Variants in PLD1 observed in about 807,000 individuals in gnomAD.
PLD1 encodes the protein phospholipase D1.
Under a neutral mutation model 137.1 loss-of-function variants are expected in PLD1, and 112 were observed. The ratio of observed to expected loss-of-function variants is 0.82; its 90% CI spans 0.70 to 0.96. The LOEUF (loss-of-function observed/expected upper bound fraction) is 0.96, where lower values mean the gene tolerates loss of function less well. Among genes scored for constraint, PLD1 ranks in the 40% least tolerant of loss-of-function variants. The pLI, the probability that PLD1 is intolerant of heterozygous loss-of-function variation, is 0.00. For synonymous variants in PLD1, 431 were observed against 454.7 expected (o/e 0.95, Z 0.66); for missense variants, 1,321 against 1,342.0 (o/e 0.98, Z 0.24).
intron 1 of PLD1, chr3:171,809,617 G>C (rs1005117709): frequency 8.5e-5 from 13 of 152,288 alleles, no homozygotes. Context: ...CACAGAGGAA[G>C]TAAAGAAAGC....
intron 24 of PLD1, among the ~76,000 whole-genome samples, chr3:171,620,006 G>A (rs557672433): frequency 5.3e-5 from 8 of 152,260 alleles, no homozygotes; most frequent in African/African-American, 1.9e-4. Context: ...TCTGGATTCT[G>A]CAATTTTCAC....
At chr3:171,709,316 T>G (rs997211289) in intron 10 of PLD1, among the ~76,000 whole-genome samples, 3 of 152,244 alleles carry the variant, frequency 2.0e-5, no homozygotes, top group Admixed American at 6.5e-5. Flanking sequence ...TGTATGAAGT[T>G]AGCTTTAAAA....
chr3:171,630,350 A>G (rs1301496449), intron 23 of PLD1, among the ~76,000 whole-genome samples: 1 of 146,342 alleles, frequency 6.8e-6, no homozygotes, highest in East Asian at 1.9e-4. Flanking sequence ...CAATCATTAA[A>G]AAGTCAGGAA....
chr3:171,800,405 C>T (rs1723597928), intron 1 of PLD1, among the ~76,000 whole-genome samples: 1 of 152,146 alleles, frequency 6.6e-6, no homozygotes, highest in Non-Finnish European at 1.5e-5. Flanking sequence ...GATGCGGTTT[C>T]ACCATGTTGG....
At chr3:171,611,275 G>A (rs80349972) in intron 25 of PLD1, among the ~76,000 whole-genome samples, 5,424 of 152,194 alleles carry the variant, frequency 0.036, 349 homozygotes, top group African/African-American at 0.13. Flanking sequence ...TTCCACAGCC[G>A]GTGGGGAAAT....
At position 171,677,657 on chromosome 3, in the gene PLD1, T is replaced by C. The variant is rs1391402654; in HGVS notation, c.1905A>G (p.Gly635=). 4 of 1,613,912 alleles carry C rather than the reference T, an allele frequency of 2.5e-6. No homozygotes were observed. The South Asian group carries it at 3.3e-5, about 13-fold the overall frequency. Residue 635 remains glycine, a synonymous_variant, in exon 17 of 27, where the codon GGA becomes GGG. Coordinates refer to ENST00000351298, the MANE Select transcript of PLD1 (RefSeq NM_002662.5). ...GSIRSLQTGV[G]ELHGETRFWH... ...AGAATCTGGTTTCCCCATGCAGCTC[T>C]CCCACACCTGTCTGTAAACTACGGA... is the stretch of plus-strand genomic sequence containing the variant.
At chr3:171,737,120 C>T (rs1022521278) in intron 3 of PLD1, among the ~76,000 whole-genome samples, 1 of 152,194 alleles carries the variant, frequency 6.6e-6, no homozygotes, top group Non-Finnish European at 1.5e-5. Context: ...GTAGCACCAA[C>T]ATTTTCATGC....
At chr3:171,722,915 A>T (rs1273217484) in intron 8 of PLD1, among the ~76,000 whole-genome samples, 1 of 152,118 alleles carries the variant, frequency 6.6e-6, no homozygotes, top group East Asian at 1.9e-4. Context: ...GGTATATGAG[A>T]TACTTTGATA....
At chr3:171,635,654 A>G (rs1003087964) in intron 23 of PLD1, among the ~76,000 whole-genome samples, 2 of 152,010 alleles carry the variant, frequency 1.3e-5, no homozygotes, top group Admixed American at 1.3e-4. Context: ...AATTCTTTAC[A>G]TATTCTGTAC....
chr3:171,716,269 G>A (rs893829983), intron 8 of PLD1, among the ~76,000 whole-genome samples: 1 of 152,148 alleles, frequency 6.6e-6, no homozygotes, highest in African/African-American at 2.4e-5. Flanking sequence ...TGGAATTGCT[G>A]GGTTAAATGG....
In PLD1 at chr3:171,674,554, T is replaced by G. The variant is rs770458677; in HGVS notation, c.2175A>C (p.Thr725=). The G allele has an allele frequency of 1.2e-6, 2 of 1,611,988 alleles. No homozygotes were observed. Among genetic ancestry groups the G allele is most frequent in the Non-Finnish European group, 1.7e-6 (2 of 1,178,194 alleles). Residue 725 remains threonine, a synonymous_variant, in exon 19 of 27, where the codon ACA becomes ACC. Coordinates refer to ENST00000351298, the MANE Select transcript of PLD1 (RefSeq NM_002662.5). ...CTTGATATCTCAACTCATGGGCTGT[T>G]GTTTGAGACTTTGGAAGCAGAAAAG... The part of the protein sequence containing the change: ...SYPFLLPKSQ[T]TAHELRYQVP...
chr3:171,780,942 T>G (rs1486778133), intron 1 of PLD1, among the ~76,000 whole-genome samples: 1 of 152,208 alleles, frequency 6.6e-6, no homozygotes, highest in East Asian at 1.9e-4. Context: ...CAAGCTTTTT[T>G]GTACAAATTA....
At chr3:171,638,171 C>T (rs567947297) in intron 23 of PLD1, among the ~76,000 whole-genome samples, 62 of 128,308 alleles carry the variant, frequency 4.8e-4, no homozygotes, top group African/African-American at 1.8e-3. Flanking sequence ...GGCGACAGAG[C>T]GAGACTCCGT....
In PLD1 at chr3:171,737,519, T is replaced by C. The variant is rs1335363152; in HGVS notation, c.288+13A>G. 1 of 1,597,368 alleles carries C rather than the reference T, an allele frequency of 6.3e-7. No homozygotes were observed. The highest frequency in any genetic ancestry group is 1.1e-5 in the South Asian group (1 of 87,228). On this transcript the variant is annotated intron_variant, in intron 3 of 26. Transcript: ENST00000351298. ...GACAAAAGAAAAAAGGGTGAGTCCA[T>C]AAACGCTCTGACCCTTGTTGTAGAT...
At position 171,709,582 on chromosome 3, in the gene PLD1, G is replaced by A; in HGVS notation, c.1039C>T (p.Gln347Ter). The change falls in exon 10 of 27, where the codon CAA (glutamine) becomes TAA (stop). Residue 347 changes from glutamine (Q) to a stop codon, truncating the protein, a stop_gained. Transcript: ENST00000351298. LOFTEE classifies it high-confidence loss of function. ...DHRFGSYAAI[Q>*]ENALAKWYVN... The stretch of plus-strand genomic sequence containing the variant: ...TACCATTTAGCTAAAGCATTCTCTT[G>A]GATAGCAGCATATGACCCAAATCGA... 1 of 1,613,886 alleles carries A rather than the reference G, an allele frequency of 6.2e-7. No homozygotes were observed. Among genetic ancestry groups the A allele is most frequent in the African/African-American group, 1.3e-5 (1 of 75,040 alleles).
rs1208455231 is a variant in PLD1, at chr3:171,600,730, C to T, written c.*2348G>A. The T allele has an allele frequency of 6.6e-6, 1 of 151,244 alleles. No homozygotes were observed. Among genetic ancestry groups the T allele is most frequent in the African/African-American group, 2.4e-5 (1 of 41,176 alleles). 9.4% of individuals were successfully genotyped at this position (151,244 alleles called of 1,614,324 possible). On this transcript the variant is annotated 3_prime_UTR_variant, in exon 27 of 27. Transcript: ENST00000351298. ...AAATCCCTCCAAGTAAATCTTATCA[C>T]CCCTTTGCAGATGAGCATCTTGTCT...
At chr3:171,751,721 C>A (rs1720673027) in intron 1 of PLD1, among the ~76,000 whole-genome samples, 1 of 152,178 alleles carries the variant, frequency 6.6e-6, no homozygotes, top group African/African-American at 2.4e-5. Context: ...AATTTCATGG[C>A]CAAGCGCGGT....
At chr3:171,750,007 A>T (rs568839947) in intron 1 of PLD1, among the ~76,000 whole-genome samples, 1 of 152,364 alleles carries the variant, frequency 6.6e-6, no homozygotes, top group South Asian at 2.1e-4. Context: ...TCTGGAAAGA[A>T]GTATAAAGGA....
At chr3:171,608,083 T>C (rs374709055) in intron 25 of PLD1, among the ~76,000 whole-genome samples, 4 of 152,180 alleles carry the variant, frequency 2.6e-5, no homozygotes, top group Admixed American at 2.0e-4. Flanking sequence ...GTGTTTGCCA[T>C]TGGGGCAAAG....
Sources: allele counts gnomAD v4.1 joint callset (sites outside exome capture counted in the v4.1 genomes callset), GRCh38; gene constraint gnomAD v4.1.1; transcripts MANE v1.5; gene names NCBI Gene and HGNC (gene_info 2026-07-23, HGNC 2026-07-21).